CPO: variants seen among roughly 807,000 people sequenced by gnomAD.
CPO encodes the protein metallocarboxypeptidase C.
In CPO, 43 loss-of-function variants were observed where a neutral mutation model predicts 41.2. The ratio of observed to expected loss-of-function variants is 1.04; its 90% CI spans 0.82 to 1.35. The LOEUF (loss-of-function observed/expected upper bound fraction) is 1.35, where lower values mean the gene tolerates loss of function less well. Among genes scored for constraint, CPO ranks in the 40% most tolerant of loss-of-function variants. The probability of loss-of-function intolerance (pLI) is 0.00; values close to 1 mark genes in which losing one functional copy is unlikely to be tolerated. For missense variants in CPO, 408 were observed against 451.7 expected, an observed-to-expected ratio of 0.90 and a Z score of 0.88; for synonymous variants, 178 against 162.7, an observed-to-expected ratio of 1.09 and a Z score of -0.72.
At chr2:206,947,207 T>C (rs540090256) in intron 1 of CPO, among the ~76,000 whole-genome samples, 2 of 152,254 alleles carry the variant, frequency 1.3e-5, no homozygotes, top group East Asian at 1.9e-4. Flanking sequence ...ACAGGTGTTA[T>C]TGGTAACAAA....
chr2:206,953,377 T>G (rs532063481), intron 2 of CPO, among the ~76,000 whole-genome samples: 3 of 152,228 alleles, frequency 2.0e-5, no homozygotes, highest in African/African-American at 7.2e-5. Flanking sequence ...AAAAAATGGC[T>G]AAAACAAAGG....
chr2:206,967,559 C>T (rs754705404), intron 7 of CPO, among the ~76,000 whole-genome samples: 5 of 151,864 alleles, frequency 3.3e-5, no homozygotes, highest in Non-Finnish European at 7.4e-5. Context: ...AGAATTTCAG[C>T]AGGCAGAGAT....
intron 1 of CPO, among the ~76,000 whole-genome samples, chr2:206,940,810 C>G (rs907052034): frequency 2.6e-5 from 4 of 151,938 alleles, no homozygotes; most frequent in Admixed American, 2.6e-4. Context: ...ACATAGAAAC[C>G]CACTCCAATT....
intron 7 of CPO, among the ~76,000 whole-genome samples, chr2:206,964,308 T>G (rs537241031): frequency 6.6e-6 from 1 of 152,244 alleles, no homozygotes; most frequent in Non-Finnish European, 1.5e-5. Context: ...ACACTTGCAC[T>G]ATATGATCAT....
At chr2:206,942,212 C>T (rs146842482) in intron 1 of CPO, among the ~76,000 whole-genome samples, 15 of 151,698 alleles carry the variant, frequency 9.9e-5, no homozygotes, top group East Asian at 1.9e-4. Context: ...TACAAAGAAA[C>T]GAATACAAAA....
chr2:206,950,904 C>T (rs1413526128), intron 2 of CPO, among the ~76,000 whole-genome samples: 1 of 140,400 alleles, frequency 7.1e-6, no homozygotes, highest in East Asian at 2.4e-4. Context: ...GGAGGGGGAA[C>T]ATCACACACC....
At chr2:206,946,435 T>C (rs887790090) in intron 1 of CPO, among the ~76,000 whole-genome samples, 6 of 152,118 alleles carry the variant, frequency 3.9e-5, no homozygotes, top group Admixed American at 2.6e-4. Context: ...TAACACACAT[T>C]TGTGATTAAA....
chr2:206,940,718 A>G (rs1293434845), intron 1 of CPO, among the ~76,000 whole-genome samples: 1 of 151,960 alleles, frequency 6.6e-6, no homozygotes, highest in Non-Finnish European at 1.5e-5. Context: ...AGCATATCTC[A>G]TGAAGTATAT....
At position 206,969,408 on chromosome 2, in the gene CPO, T is replaced by A. The variant is rs1276607737; in HGVS notation, c.1097T>A (p.Leu366Gln). 1 of 1,614,108 alleles carries A rather than the reference T, an allele frequency of 6.2e-7. No homozygotes were observed. The highest frequency in any genetic ancestry group is 8.5e-7 in the Non-Finnish European group (1 of 1,179,994). ...RVTSATMLLG[L>Q]LVSCMSLL is the part of the protein sequence containing the mutation. The stretch of plus-strand genomic sequence containing the variant: ...ACATCTGCCACTATGCTGCTGGGCC[T>A]GCTGGTGTCCTGCATGTCTCTTCTC... Residue 366 changes from leucine to glutamine, a missense_variant, in exon 9 of 9, where the codon CTG (leucine) becomes CAG (glutamine). Leu to Gln is a moderately radical substitution (Grantham distance 113). Coordinates refer to ENST00000272852, the MANE Select transcript of CPO (RefSeq NM_173077.3).
intron 2 of CPO, among the ~76,000 whole-genome samples, chr2:206,951,987 A>T (rs1371669725): frequency 1.3e-5 from 2 of 152,248 alleles, no homozygotes; most frequent in African/African-American, 4.8e-5. Context: ...AATAGACTGA[A>T]ATGAAAATAC....
intron 1 of CPO, among the ~76,000 whole-genome samples, chr2:206,940,663 T>C (rs933384611): frequency 2.0e-5 from 3 of 152,044 alleles, no homozygotes; most frequent in Middle Eastern, 3.2e-3. Context: ...CCATATAAAG[T>C]GTGTTTTTCC....
chr2:206,956,040 G>A (rs553282552), intron 3 of CPO, among the ~76,000 whole-genome samples: 1 of 152,198 alleles, frequency 6.6e-6, no homozygotes, highest in Non-Finnish European at 1.5e-5. Flanking sequence ...ACTTGTGAAA[G>A]GCCACACAGC....
At chr2:206,939,773 C>T (rs965903954) in intron 1 of CPO, 106 bp downstream of exon 1, 2 of 750,204 alleles carry the variant, frequency 2.7e-6, no homozygotes, top group African/African-American at 1.8e-5. Context: ...CCTTGCTACT[C>T]ATATATACCA....
chr2:206,955,592 A>C (rs763092767), intron 3 of CPO, 28 bp downstream of exon 3: 2 of 1,153,754 alleles, frequency 1.7e-6, no homozygotes, highest in Non-Finnish European at 2.6e-6. Context: ...GAATTACCTT[A>C]CCAGGAGAAT....
At chr2:206,964,806 C>T (rs991144948) in intron 7 of CPO, among the ~76,000 whole-genome samples, 3 of 152,158 alleles carry the variant, frequency 2.0e-5, no homozygotes, top group Non-Finnish European at 4.4e-5. Context: ...AATGAATCTC[C>T]GAAGACAGGT....
At position 206,955,517 on chromosome 2, in the gene CPO, C is replaced by T. The variant is rs1245854941; in HGVS notation, c.220C>T (p.His74Tyr). Residue 74 changes from histidine (H) to tyrosine (Y), a missense_variant, in exon 3 of 9, where the codon CAT becomes TAT. Physicochemically the swap from His to Tyr is moderately conservative, Grantham distance 83. Transcript: ENST00000272852. Reference sequence around the variant, plus strand: ...GAAGTACAAGGAAGTGGTGACACAGCATTTCCTAGGAGTGACCTATGAGAC... The same window carrying T: ...GAAGTACAAGGAAGTGGTGACACAGTATTTCCTAGGAGTGACCTATGAGAC... ...SEKYKEVVTQ[H>Y]FLGVTYETHP... 6.2e-7 allele frequency: 1 copy of T among 1,611,320 alleles called. No individual in the cohort carries two copies. Among genetic ancestry groups the T allele is most frequent in the Admixed American group, 1.7e-5 (1 of 60,018 alleles).
intron 5 of CPO, among the ~76,000 whole-genome samples, chr2:206,960,403 TCTCCA>T (rs559793212): frequency 1.3e-5 from 2 of 152,250 alleles, no homozygotes; most frequent in Non-Finnish European, 2.9e-5. Context: ...TTTATTCCCA[TCTCCA>T]CTCATCAGTC....
chr2:206,950,420 A>C (rs1486337710), intron 2 of CPO, among the ~76,000 whole-genome samples: 2 of 152,216 alleles, frequency 1.3e-5, no homozygotes, highest in Admixed American at 6.5e-5. Flanking sequence ...TTAAAAAGTC[A>C]GAAAACAACA....
At chr2:206,946,283 C>T (rs1693144067) in intron 1 of CPO, among the ~76,000 whole-genome samples, 1 of 152,136 alleles carries the variant, frequency 6.6e-6, no homozygotes, top group African/African-American at 2.4e-5. Context: ...TTAGACACCA[C>T]AACCAAGTGG....
Sources: allele counts gnomAD v4.1 joint callset (sites outside exome capture counted in the v4.1 genomes callset), GRCh38; gene constraint gnomAD v4.1.1; transcripts MANE v1.5; gene names NCBI Gene and HGNC (gene_info 2026-07-23, HGNC 2026-07-21).